GRM7: variants seen among roughly 807,000 people sequenced by gnomAD.
GRM7 encodes the protein metabotropic glutamate receptor 7.
GRM7 carries 35 observed loss-of-function variants against 84.5 expected under a neutral mutation model. That is an observed-to-expected ratio of 0.41 (90% CI 0.32 to 0.55). The LOEUF is 0.55. Among genes scored for constraint, GRM7 ranks in the 20% least tolerant of loss-of-function variants. The pLI is 0.19. For synonymous variants in GRM7, 487 were observed against 455.1 expected (o/e 1.07, Z -0.89); for missense variants, 1,003 against 1,194.6 (o/e 0.84, Z 2.36).
chr3:7,333,707 T>TAAA (rs35684466), intron 4 of GRM7, among the ~76,000 whole-genome samples: 3 of 149,990 alleles, frequency 2.0e-5, no homozygotes, highest in Non-Finnish European at 3.0e-5. Context: ...ATAAAGAAAT[T>TAAA]AAAAAAAAAT....
chr3:7,448,005 T>C (rs998390272), intron 5 of GRM7, among the ~76,000 whole-genome samples: 4 of 149,342 alleles, frequency 2.7e-5, no homozygotes, highest in Non-Finnish European at 4.4e-5. Flanking sequence ...CGGTGTTTGG[T>C]TTTTTGTCCT....
intron 8 of GRM7, among the ~76,000 whole-genome samples, chr3:7,629,375 C>A (rs952608424): frequency 6.6e-6 from 1 of 152,132 alleles, no homozygotes; most frequent in Non-Finnish European, 1.5e-5. Flanking sequence ...AATGAGGATG[C>A]CAGCAGGGTT....
intron 4 of GRM7, among the ~76,000 whole-genome samples, chr3:7,330,466 T>C (rs1701160352): frequency 6.6e-6 from 1 of 152,144 alleles, no homozygotes; most frequent in East Asian, 1.9e-4. Context: ...GTGGTTCGGC[T>C]CTGTTCCCAC....
intron 1 of GRM7, among the ~76,000 whole-genome samples, chr3:7,112,858 A>C (rs1232184206): frequency 1.3e-5 from 2 of 152,202 alleles, no homozygotes; most frequent in African/African-American, 4.8e-5. Context: ...TGTATTGGCC[A>C]CACATCAAAC....
At chr3:7,203,828 C>T (rs1696145720) in intron 2 of GRM7, among the ~76,000 whole-genome samples, 1 of 151,958 alleles carries the variant, frequency 6.6e-6, no homozygotes, top group East Asian at 1.9e-4. Context: ...AATAAATATT[C>T]CTTTGTGTTT....
chr3:7,307,244 A>G (rs1055767385), intron 4 of GRM7, among the ~76,000 whole-genome samples: 9 of 152,202 alleles, frequency 5.9e-5, no homozygotes, highest in African/African-American at 2.2e-4. Flanking sequence ...TGAGAGGCAG[A>G]AGTAGGAAAG....
intron 7 of GRM7, among the ~76,000 whole-genome samples, chr3:7,483,713 C>T (rs1456674891): frequency 6.6e-6 from 1 of 151,940 alleles, no homozygotes; most frequent in African/African-American, 2.4e-5. Context: ...TGCAAGAAAG[C>T]CAGTTAGGCC....
chr3:6,996,364 T>C (rs918163729), intron 1 of GRM7, among the ~76,000 whole-genome samples: 8 of 152,182 alleles, frequency 5.3e-5, no homozygotes, highest in Non-Finnish European at 1.0e-4. Context: ...TACAAATTTT[T>C]AATAGAATTA....
intron 1 of GRM7, among the ~76,000 whole-genome samples, chr3:6,924,950 C>G (rs1220294345): frequency 6.6e-6 from 1 of 152,042 alleles, no homozygotes; most frequent in Non-Finnish European, 1.5e-5. Flanking sequence ...ACCCTTGACT[C>G]TTGTTTCATA....
rs114427410 is a variant in GRM7, at chr3:7,311,199, G to T, written c.1033+4547G>T. Among the ~76,000 whole-genome samples the T allele has an allele frequency of 8.6e-3, 1,302 of 152,242 alleles. 28 individuals carry two copies. The highest frequency in any genetic ancestry group is 0.027 in the African/African-American group (1,137 of 41,516). On this transcript the variant is annotated intron_variant, in intron 4 of 9. Transcript: ENST00000357716. Reference sequence around the variant, plus strand: ...CTGGGAAATGTAGATGAACTATGCGGTCATTCTCCAGAAATCTAATTGAGA... The same window carrying T: ...CTGGGAAATGTAGATGAACTATGCGTTCATTCTCCAGAAATCTAATTGAGA...
intron 4 of GRM7, among the ~76,000 whole-genome samples, chr3:7,366,881 A>G (rs1209374290): frequency 1.7e-3 from 1 of 598 alleles, no homozygotes; most frequent in Non-Finnish European, 3.0e-3. Context: ...TAAAGTTTTA[A>G]TAGGAACTGG....
At chr3:7,449,437 C>T (rs1559330402) in intron 5 of GRM7, among the ~76,000 whole-genome samples, 2 of 151,980 alleles carry the variant, frequency 1.3e-5, no homozygotes, top group Non-Finnish European at 2.9e-5. Context: ...AAATGGACCA[C>T]CAAGTTGCTA....
At chr3:7,507,475 T>C (rs1700072905) in intron 7 of GRM7, among the ~76,000 whole-genome samples, 1 of 152,246 alleles carries the variant, frequency 6.6e-6, no homozygotes, top group East Asian at 1.9e-4. Context: ...GTATTCTCTA[T>C]GCTCCAAAGA....
At chr3:6,890,296 C>T (rs1002053264) in intron 1 of GRM7, among the ~76,000 whole-genome samples, 1 of 152,108 alleles carries the variant, frequency 6.6e-6, no homozygotes, top group Non-Finnish European at 1.5e-5. Context: ...TTTGCTCTTG[C>T]TTTTCTAGTT....
rs192017765 is a variant in GRM7 at position 6,895,487 on chromosome 3, A to G, written c.519+33580A>G. Among the ~76,000 whole-genome samples the G allele has an allele frequency of 1.3e-4, 20 of 152,272 alleles. No individual in the cohort carries two copies. The East Asian group carries it at 2.7e-3, about 21-fold the overall frequency. On this transcript the variant is annotated intron_variant, in intron 1 of 9. Coordinates refer to ENST00000357716, the MANE Select transcript of GRM7 (RefSeq NM_000844.4). ...AACTTATTTTTTTCTTCAACTTTAC[A>G]ACTCAAATTCTCTTATTATTTTCAT...
rs548578672 is a variant in GRM7, at chr3:6,899,247, A to G, written c.519+37340A>G. Among the ~76,000 whole-genome samples, 11 of 152,308 alleles carry G rather than the reference A, an allele frequency of 7.2e-5. No individual in the cohort carries two copies. The South Asian group carries it at 1.5e-3, about 20-fold the overall frequency. On this transcript the variant is annotated intron_variant, in intron 1 of 9. Transcript: ENST00000357716. ...TTAGTTTTATCTATTTCTATAGGGA[A>G]GACCCAATTGATGACTCATTAATGA...
intron 7 of GRM7, among the ~76,000 whole-genome samples, chr3:7,575,229 C>T (rs186395838): frequency 6.6e-6 from 1 of 152,146 alleles, no homozygotes; most frequent in African/African-American, 2.4e-5. Flanking sequence ...CCAGGTACCC[C>T]AAAACCATAA....
intron 8 of GRM7, among the ~76,000 whole-genome samples, chr3:7,647,431 A>G (rs1698697392): frequency 6.6e-6 from 1 of 152,228 alleles, no homozygotes; most frequent in East Asian, 1.9e-4. Flanking sequence ...AGAAACTACA[A>G]GGAGGCTGGT....
rs1056125323 is a variant in GRM7 at position 7,726,367 on chromosome 3, A to C, written c.2699-13990A>C. Among the ~76,000 whole-genome samples, 8 of 152,124 alleles carry C rather than the reference A, an allele frequency of 5.3e-5. No homozygotes were observed. The East Asian group carries it at 1.6e-3, about 30-fold the overall frequency. On this transcript the variant is annotated intron_variant, in intron 9 of 9. Transcript: ENST00000357716. ...CTACCTATATCTTGTTGTTAAAAAT[A>C]ACTAATTTACTTTCAATATAAAAAG... is the stretch of plus-strand genomic sequence containing the variant.
Sources: gnomAD v4.1 joint callset for allele counts (sites outside exome capture counted in the v4.1 genomes callset) on GRCh38, gnomAD v4.1.1 for gene constraint, MANE v1.5 for transcripts, NCBI Gene and HGNC (gene_info 2026-07-23, HGNC 2026-07-21) for gene names.